Variants in DENND2A observed in about 807,000 individuals in gnomAD.
DENND2A encodes DENN domain containing 2A.
A neutral mutation model predicts 105.3 loss-of-function variants in DENND2A; 53 were observed. The ratio of observed to expected loss-of-function variants is 0.50; its 90% CI spans 0.40 to 0.63. DENND2A has a LOEUF of 0.63. Among genes scored for constraint, DENND2A ranks in the 30% least tolerant of loss-of-function variants. The pLI, the probability that DENND2A is intolerant of heterozygous loss-of-function variation, is 0.00. For missense variants in DENND2A, 1,138 were observed against 1,279.6 expected (o/e 0.89, Z 1.69); for synonymous variants, 522 against 508.4 (o/e 1.03, Z -0.36).
In DENND2A at chr7:140,549,043, C is replaced by A. The variant is rs192647520; in HGVS notation, c.2038-2104G>T. Among the ~76,000 whole-genome samples, 301 of 151,684 alleles carry A rather than the reference C, an allele frequency of 2.0e-3. 3 individuals carry two copies. The highest frequency in any genetic ancestry group is 0.015 in the Admixed American group (225 of 15,278). On this transcript the variant is annotated intron_variant, in intron 12 of 19. Transcript: ENST00000496613. ...AGACCAGCCTGCCAACACGGTGAAA[C>A]CCCATCTCTACTAAAACTACAAAAT...
intron 5 of DENND2A, among the ~76,000 whole-genome samples, chr7:140,584,091 A>C (rs1396915309): frequency 6.7e-6 from 1 of 148,534 alleles, no homozygotes; most frequent in Non-Finnish European, 1.5e-5. Flanking sequence ...AAAGTACAAA[A>C]ATTAGCCAGG....
intron 1 of DENND2A, among the ~76,000 whole-genome samples, chr7:140,633,237 C>A (rs1019354664): frequency 3.9e-4 from 60 of 152,028 alleles, no homozygotes; most frequent in African/African-American, 1.4e-3. Flanking sequence ...ACCATGTTAG[C>A]CAGGATGGTC....
intron 1 of DENND2A, among the ~76,000 whole-genome samples, chr7:140,635,254 C>T (rs774379901): frequency 1.3e-5 from 2 of 151,914 alleles, no homozygotes; most frequent in Non-Finnish European, 2.9e-5. Flanking sequence ...AAGAGCAAGA[C>T]GCTGTCTAAA....
intron 1 of DENND2A, among the ~76,000 whole-genome samples, chr7:140,626,000 A>G (rs1435445249): frequency 6.6e-6 from 1 of 152,186 alleles, no homozygotes; most frequent in Admixed American, 6.5e-5. Flanking sequence ...TAATGTTCAC[A>G]GTAAGCTTAC....
In DENND2A at chr7:140,624,366, C is replaced by CACA. The variant is rs555315948; in HGVS notation, c.-248+16135_-248+16137dup. 4.3e-3 allele frequency among the ~76,000 whole-genome samples: 525 copies of CACA among 120,962 alleles called. 1 individual carries two copies. Among genetic ancestry groups the CACA allele is most frequent in the South Asian group, 0.02 (79 of 3,888 alleles). 79.4% of individuals were successfully genotyped at this position (120,962 alleles called of 152,430 possible). A position where few individuals can be genotyped will look rare whatever the true frequency, so the allele number is the denominator to read the frequency against. On this transcript the variant is annotated intron_variant, in intron 1 of 19. Coordinates refer to ENST00000496613, the MANE Select transcript of DENND2A (RefSeq NM_015689.5). Reference sequence around the variant, plus strand: ...AGGAAAGGCAAAACAACAACAACAACACAACAACAACAACAACAAACTTAA... The same window carrying CACA: ...AGGAAAGGCAAAACAACAACAACAACACAACAACAACAACAACAACAAACTTAA...
chr7:140,521,708 A>C (rs1795866189), intron 18 of DENND2A, 147 bp downstream of exon 18: 1 of 1,327,026 alleles, frequency 7.5e-7, no homozygotes, highest in Non-Finnish European at 1.0e-6. Flanking sequence ...CTACCAGCTC[A>C]GTCAGGGCAT....
intron 1 of DENND2A, among the ~76,000 whole-genome samples, chr7:140,612,430 T>A (rs2130705872): frequency 6.6e-6 from 1 of 152,166 alleles, no homozygotes; most frequent in Middle Eastern, 3.4e-3. Context: ...TAAACTTGAT[T>A]ATGTTAGCTC....
At chr7:140,594,604 A>G (rs74566475) in intron 3 of DENND2A, among the ~76,000 whole-genome samples, 5,077 of 152,208 alleles carry the variant, frequency 0.033, 149 homozygotes, top group African/African-American at 0.083. Context: ...TCCAACTATT[A>G]CTGGTCTGCA....
In DENND2A at chr7:140,592,647, C is replaced by A. The variant is rs187403957; in HGVS notation, c.996-4867G>T. ...CAGAGTCTGGCTCTGTCGCCCAGGC[C>A]GGAAGGCAGTGGGGCGATCTCAGCT... On this transcript the variant is annotated intron_variant, in intron 3 of 19. Coordinates refer to ENST00000496613, the MANE Select transcript of DENND2A (RefSeq NM_015689.5). Among the ~76,000 whole-genome samples the A allele has an allele frequency of 1.7e-3, 263 of 151,078 alleles. 1 individual carries two copies. Among genetic ancestry groups the A allele is most frequent in the African/African-American group, 6.0e-3 (245 of 41,074 alleles).
chr7:140,616,801 G>A (rs1800099477), intron 1 of DENND2A, among the ~76,000 whole-genome samples: 1 of 152,286 alleles, frequency 6.6e-6, no homozygotes, highest in South Asian at 2.1e-4. Flanking sequence ...CTATTTTCAT[G>A]TCACTTGCAT....
At position 140,580,873 on chromosome 7, in the gene DENND2A, G is replaced by A. The variant is rs190065886; in HGVS notation, c.1245+4716C>T. ...GCTGATCTCGAACTCCTGACCTCAG[G>A]TGATCTGCCCACCTTGGCCTCCCAA... is the stretch of plus-strand genomic sequence containing the variant. On this transcript the variant is annotated intron_variant, in intron 5 of 19. Transcript: ENST00000496613. Among the ~76,000 whole-genome samples, 545 of 151,856 alleles carry A rather than the reference G, an allele frequency of 3.6e-3. 4 individuals carry two copies. Among genetic ancestry groups the A allele is most frequent in the African/African-American group, 0.012 (515 of 41,486 alleles).
intron 1 of DENND2A, among the ~76,000 whole-genome samples, chr7:140,623,626 G>A (rs1800386384): frequency 1.3e-5 from 2 of 151,450 alleles, no homozygotes; most frequent in Admixed American, 1.3e-4. Flanking sequence ...TACTCGGGAG[G>A]CTGAGGCAGG....
chr7:140,520,651 T>G (rs141896403), intron 18 of DENND2A, among the ~76,000 whole-genome samples: 1,660 of 151,848 alleles, frequency 0.011, 35 homozygotes, highest in African/African-American at 0.036. Flanking sequence ...CTCTGCCTCC[T>G]GGGTTCAAGC....
chr7:140,528,350 C>G (rs1336063196), intron 14 of DENND2A, among the ~76,000 whole-genome samples: 1 of 152,144 alleles, frequency 6.6e-6, no homozygotes, highest in Non-Finnish European at 1.5e-5. Flanking sequence ...CCTAGGAAAT[C>G]CGGGAAAAGG....
chr7:140,615,818 G>A (rs1007381067), intron 1 of DENND2A, among the ~76,000 whole-genome samples: 2 of 151,852 alleles, frequency 1.3e-5, no homozygotes, highest in African/African-American at 4.8e-5. Context: ...CTCCCAAAGT[G>A]CTAAGATTAC....
At chr7:140,558,355 C>T in intron 10 of DENND2A, 143 bp from the exon 11 acceptor site, 1 of 607,326 alleles carries the variant, frequency 1.6e-6, no homozygotes, top group South Asian at 1.9e-5. Flanking sequence ...TCCCACCTGT[C>T]CCTGTCCATG....
At chr7:140,606,322 G>A (rs1563174556) in intron 1 of DENND2A, among the ~76,000 whole-genome samples, 1 of 152,198 alleles carries the variant, frequency 6.6e-6, no homozygotes, top group South Asian at 2.1e-4. Flanking sequence ...TTACCGGAGT[G>A]AGCCACTGTG....
At chr7:140,633,720 G>A (rs897555400) in intron 1 of DENND2A, among the ~76,000 whole-genome samples, 1 of 152,086 alleles carries the variant, frequency 6.6e-6, no homozygotes, top group African/African-American at 2.4e-5. Context: ...TGCCATCAAG[G>A]TTATGGAAAC....
At chr7:140,566,704 T>TTTTTTTTA (rs1797850197) in intron 9 of DENND2A, among the ~76,000 whole-genome samples, 5 of 149,892 alleles carry the variant, frequency 3.3e-5, no homozygotes, top group South Asian at 2.1e-4. Flanking sequence ...TTTTTTTTTT[T>TTTTTTTTA]GAGACGGAGT....
Sources: allele counts gnomAD v4.1 joint callset (sites outside exome capture counted in the v4.1 genomes callset), GRCh38; gene constraint gnomAD v4.1.1; transcripts MANE v1.5; gene names NCBI Gene and HGNC (gene_info 2026-07-23, HGNC 2026-07-21).